CPNE8: variants seen among roughly 807,000 people sequenced by gnomAD.
CPNE8 encodes the protein copine 8.
In CPNE8, 45 loss-of-function variants were observed where a neutral mutation model predicts 81.5. That is an observed-to-expected ratio of 0.55 (90% CI 0.44 to 0.71). The LOEUF is 0.71. CPNE8 is among the 30% of genes least tolerant of loss of function. The probability of loss-of-function intolerance (pLI) is 0.00; values close to 1 mark genes in which losing one functional copy is unlikely to be tolerated. For synonymous variants in CPNE8, 252 were observed against 226.3 expected, an observed-to-expected ratio of 1.11 and a Z score of -1.02; for missense variants, 594 against 672.1, an observed-to-expected ratio of 0.88 and a Z score of 1.28.
chr12:38,728,362 T>C (rs747318798), intron 11 of CPNE8, among the ~76,000 whole-genome samples: 31 of 152,076 alleles, frequency 2.0e-4, no homozygotes, highest in Non-Finnish European at 5.9e-5. Flanking sequence ...GTTCCTTACC[T>C]AACAGAAAAT....
intron 3 of CPNE8, among the ~76,000 whole-genome samples, chr12:38,862,154 A>G (rs1195490920): frequency 6.6e-6 from 1 of 152,150 alleles, no homozygotes; most frequent in East Asian, 1.9e-4. Flanking sequence ...TAGAAATGCA[A>G]AGAACAGAAA....
chr12:38,782,872 G>A (rs59328292), intron 6 of CPNE8, among the ~76,000 whole-genome samples: 10,052 of 151,800 alleles, frequency 0.066, 1,085 homozygotes, highest in African/African-American at 0.23. Flanking sequence ...TTTAGACAGG[G>A]TCTCACTATG....
intron 1 of CPNE8, among the ~76,000 whole-genome samples, chr12:38,893,304 T>C (rs1944339860): frequency 6.6e-6 from 1 of 152,152 alleles, no homozygotes; most frequent in African/African-American, 2.4e-5. Context: ...ACAAGATACA[T>C]GTCATAAAGA....
intron 6 of CPNE8, among the ~76,000 whole-genome samples, chr12:38,818,353 T>G (rs1943061292): frequency 6.6e-6 from 1 of 152,200 alleles, no homozygotes; most frequent in Non-Finnish European, 1.5e-5. Flanking sequence ...TTCTCATTGT[T>G]CAACTCCCTC....
chr12:38,681,145 A>G (rs149482861), intron 16 of CPNE8, among the ~76,000 whole-genome samples: 2 of 152,160 alleles, frequency 1.3e-5, no homozygotes, highest in East Asian at 3.9e-4. Flanking sequence ...AAGCTGGTAT[A>G]ATATACCAAC....
At chr12:38,771,736 CT>C (rs767899567) in intron 7 of CPNE8, among the ~76,000 whole-genome samples, 64 of 152,150 alleles carry the variant, frequency 4.2e-4, no homozygotes, top group Non-Finnish European at 8.7e-4. Context: ...AACATAGAGC[CT>C]TGTGATATTG....
At chr12:38,762,274 GT>G in intron 8 of CPNE8, 58 bp from the exon 9 acceptor site, 1 of 933,624 alleles carries the variant, frequency 1.1e-6, no homozygotes. Flanking sequence ...TTGATCTATT[GT>G]TTTAGTAGCC....
intron 6 of CPNE8, among the ~76,000 whole-genome samples, chr12:38,800,213 C>A (rs1429209559): frequency 2.1e-5 from 2 of 96,250 alleles, no homozygotes; most frequent in African/African-American, 6.2e-5. Flanking sequence ...AGGGCACAGA[C>A]AAACAAAAAG....
chr12:38,771,190 G>A (rs551601379), intron 7 of CPNE8, among the ~76,000 whole-genome samples: 12 of 151,892 alleles, frequency 7.9e-5, no homozygotes, highest in East Asian at 5.8e-4. Flanking sequence ...CAGGCATAGC[G>A]GCTCATGACT....
chr12:38,693,713 G>C lies in CPNE8; in HGVS notation c.1087C>G (p.Leu363Val), dbSNP rs775774791. The C allele has an allele frequency of 6.2e-7, 1 of 1,613,382 alleles. No individual in the cohort carries two copies. Among genetic ancestry groups the C allele is most frequent in the Non-Finnish European group, 8.5e-7 (1 of 1,179,622 alleles). ...DYDSDKMFPALGFGAKLPPDG... is the reference protein window; with the variant it reads ...DYDSDKMFPAVGFGAKLPPDG... ...GGAGGCAGTTTTGCACCAAATCCTAGAGCTGGAAACATTTTATCACTGTCA... is the reference window on the plus strand; with the variant it reads ...GGAGGCAGTTTTGCACCAAATCCTACAGCTGGAAACATTTTATCACTGTCA... Residue 363 changes from leucine to valine, a missense_variant, in exon 15 of 20, where the codon CTA becomes GTA. By Grantham distance (32) the Leu-to-Val change is conservative. Transcript: ENST00000331366.
chr12:38,712,603 G>C (rs1480913582), intron 13 of CPNE8, among the ~76,000 whole-genome samples: 1 of 152,002 alleles, frequency 6.6e-6, no homozygotes, highest in East Asian at 1.9e-4. Flanking sequence ...ATCTGTATGG[G>C]GCCTGTTGAT....
intron 1 of CPNE8, among the ~76,000 whole-genome samples, chr12:38,895,343 G>A (rs928003944): frequency 1.3e-5 from 2 of 152,044 alleles, no homozygotes; most frequent in Admixed American, 6.6e-5. Context: ...TGAAATTGTA[G>A]GGCCTGAGGT....
intron 6 of CPNE8, among the ~76,000 whole-genome samples, chr12:38,818,462 T>G (rs2137001802): frequency 1.3e-5 from 2 of 152,316 alleles, no homozygotes; most frequent in South Asian, 2.1e-4. Context: ...GGACATAAAC[T>G]CATCCTTTTT....
At chr12:38,730,182 T>C (rs1940798353) in intron 11 of CPNE8, 101 bp downstream of exon 11, 2 of 739,966 alleles carry the variant, frequency 2.7e-6, no homozygotes, top group East Asian at 2.5e-5. Flanking sequence ...ACACTGATAC[T>C]TAGTTAACCT....
intron 6 of CPNE8, among the ~76,000 whole-genome samples, chr12:38,819,624 G>A (rs983878739): frequency 1.7e-4 from 26 of 151,786 alleles, no homozygotes; most frequent in Admixed American, 8.5e-4. Context: ...AAAATTAGCC[G>A]GGCGTGATGG....
At chr12:38,809,439 C>T (rs1186491727) in intron 6 of CPNE8, among the ~76,000 whole-genome samples, 1 of 152,192 alleles carries the variant, frequency 6.6e-6, no homozygotes, top group Non-Finnish European at 1.5e-5. Flanking sequence ...GGTGTACCTA[C>T]ATAGACTAAG....
intron 12 of CPNE8, among the ~76,000 whole-genome samples, chr12:38,724,471 G>A (rs745724917): frequency 6.6e-6 from 1 of 152,068 alleles, no homozygotes; most frequent in African/African-American, 2.4e-5. Flanking sequence ...CACGAAACGA[G>A]TCTTACTTAT....
At chr12:38,855,485 A>G (rs1390531963) in intron 3 of CPNE8, among the ~76,000 whole-genome samples, 3 of 152,282 alleles carry the variant, frequency 2.0e-5, no homozygotes, top group East Asian at 3.9e-4. Flanking sequence ...TCACAATGCT[A>G]CAGTTACCAA....
At chr12:38,704,381 C>T (rs555181141) in intron 13 of CPNE8, among the ~76,000 whole-genome samples, 20 of 150,374 alleles carry the variant, frequency 1.3e-4, no homozygotes, top group East Asian at 2.0e-4. Flanking sequence ...TGTATGTGTG[C>T]GTGTGTGTGT....
Sources: allele counts gnomAD v4.1 joint callset (sites outside exome capture counted in the v4.1 genomes callset), GRCh38; gene constraint gnomAD v4.1.1; transcripts MANE v1.5; gene names NCBI Gene and HGNC (gene_info 2026-07-23, HGNC 2026-07-21).